DIS3L2: variants seen among roughly 807,000 people sequenced by gnomAD.
DIS3L2 encodes DIS3-like exonuclease 2.
A neutral mutation model predicts 97.5 loss-of-function variants in DIS3L2; 34 were observed. That is an observed-to-expected ratio of 0.35 (90% CI 0.27 to 0.46). DIS3L2 has a LOEUF of 0.46. DIS3L2 is among the 20% of genes least tolerant of loss of function. DIS3L2 has a pLI of 1.00. For missense variants in DIS3L2, 1,038 were observed against 1,146.0 expected, an observed-to-expected ratio of 0.91 and a Z score of 1.36; for synonymous variants, 435 against 445.2, an observed-to-expected ratio of 0.98 and a Z score of 0.29.
rs150781917 is a variant in DIS3L2 at position 232,114,349 on chromosome 2, A to T, written c.602-16270A>T. ...CATGGTTCCACGGCAGATCTGATATAGGACTTAGGCAGAGAAGGATTAATT... is the reference window on the plus strand; with the variant it reads ...CATGGTTCCACGGCAGATCTGATATTGGACTTAGGCAGAGAAGGATTAATT... On this transcript the variant is annotated intron_variant, in intron 6 of 20. Transcript: ENST00000325385. 8.7e-4 allele frequency among the ~76,000 whole-genome samples: 132 copies of T among 152,276 alleles called. 1 individual carries two copies. The East Asian group carries it at 0.018, about 21-fold the overall frequency.
Position 232,261,688 on chromosome 2 carries a change from G to C in DIS3L2, c.1426-1519G>C, listed in dbSNP as rs114785338. ...CCCTGTCCTATATTTTCCTAAAATAGCCTTCATAAACACCACCAGCCAGCA... is the reference window on the plus strand; with the variant it reads ...CCCTGTCCTATATTTTCCTAAAATACCCTTCATAAACACCACCAGCCAGCA... On this transcript the variant is annotated intron_variant, in intron 12 of 20. Coordinates refer to ENST00000325385, the MANE Select transcript of DIS3L2 (RefSeq NM_152383.5). Among the ~76,000 whole-genome samples the C allele has an allele frequency of 6.0e-3, 917 of 152,230 alleles. 5 individuals are homozygous for C. Among genetic ancestry groups the C allele is most frequent in the Non-Finnish European group, 0.01 (713 of 68,014 alleles).
intron 5 of DIS3L2, among the ~76,000 whole-genome samples, chr2:232,086,303 A>G (rs1559612388): frequency 2.0e-5 from 3 of 149,342 alleles, no homozygotes; most frequent in East Asian, 3.9e-4. Context: ...ATACATATAT[A>G]CATATGTATA....
intron 3 of DIS3L2, among the ~76,000 whole-genome samples, chr2:232,016,482 G>C (rs1694356523): frequency 6.6e-6 from 1 of 152,216 alleles, no homozygotes; most frequent in African/African-American, 2.4e-5. Flanking sequence ...TGGGGAAACT[G>C]TGTAGGCTGA....
At chr2:231,982,937 CG>C (rs1285209018) in intron 1 of DIS3L2, among the ~76,000 whole-genome samples, 1 of 152,116 alleles carries the variant, frequency 6.6e-6, no homozygotes, top group Non-Finnish European at 1.5e-5. Context: ...ACCTCGGCCT[CG>C]CAAAGTGCTG....
At chr2:232,177,199 C>CT (rs2106180930) in intron 9 of DIS3L2, among the ~76,000 whole-genome samples, 1 of 142,480 alleles carries the variant, frequency 7.0e-6, no homozygotes, top group South Asian at 2.4e-4. Context: ...TTAATCCAGT[C>CT]TATCATTGTT....
intron 10 of DIS3L2, among the ~76,000 whole-genome samples, chr2:232,223,152 A>G (rs1692549843): frequency 6.6e-6 from 1 of 152,210 alleles, no homozygotes; most frequent in Non-Finnish European, 1.5e-5. Flanking sequence ...GAAAGCCAAG[A>G]TAATCTGGCA....
chr2:232,302,277 A>G (rs1383183051), intron 14 of DIS3L2, among the ~76,000 whole-genome samples: 1 of 152,018 alleles, frequency 6.6e-6, no homozygotes, highest in African/African-American at 2.4e-5. Context: ...TAGGAGATAT[A>G]CCTAAAGTAA....
intron 14 of DIS3L2, among the ~76,000 whole-genome samples, chr2:232,320,812 C>T (rs1695410938): frequency 1.3e-5 from 2 of 152,224 alleles, no homozygotes; most frequent in South Asian, 4.1e-4. Flanking sequence ...CTCTGGGATA[C>T]ATAGATGGGC....
chr2:232,073,918 G>T (rs1275842543), intron 5 of DIS3L2, among the ~76,000 whole-genome samples: 1 of 152,232 alleles, frequency 6.6e-6, no homozygotes, highest in Non-Finnish European at 1.5e-5. Flanking sequence ...CCAGCTTTCT[G>T]AGTGACAGAT....
chr2:232,037,475 T>C lies in DIS3L2; in HGVS notation c.366+7395T>C, dbSNP rs2106248456. The stretch of plus-strand genomic sequence containing the variant: ...GTGGATCTTAGCTTGCTGGGCTCCA[T>C]GAGGGTGGGATCCGCTGAGCTAGAC... On this transcript the variant is annotated intron_variant, in intron 5 of 20. Coordinates refer to ENST00000325385, the MANE Select transcript of DIS3L2 (RefSeq NM_152383.5). This position sits in a 1 kb window ranked among gnomAD's most constrained non-coding sequence, Gnocchi z 4.6. Among the ~76,000 whole-genome samples the C allele has an allele frequency of 6.6e-6, 1 of 152,294 alleles. No individual in the cohort carries two copies. Among genetic ancestry groups the C allele is most frequent in the South Asian group, 2.1e-4 (1 of 4,822 alleles).
At chr2:231,994,420 T>G (rs1389142056) in intron 1 of DIS3L2, among the ~76,000 whole-genome samples, 1 of 152,180 alleles carries the variant, frequency 6.6e-6, no homozygotes, top group Non-Finnish European at 1.5e-5. Context: ...ACAAAAGATC[T>G]TGGGACTTTG....
chr2:232,258,961 C>T (rs951255615), intron 12 of DIS3L2, among the ~76,000 whole-genome samples: 3 of 152,116 alleles, frequency 2.0e-5, no homozygotes, highest in African/African-American at 7.2e-5. Flanking sequence ...TTTCCCTGGC[C>T]TAGTCATTTT....
intron 6 of DIS3L2, among the ~76,000 whole-genome samples, chr2:232,118,516 G>A (rs1210321401): frequency 1.3e-5 from 2 of 152,068 alleles, no homozygotes; most frequent in African/African-American, 4.8e-5. Flanking sequence ...TCATGTAACC[G>A]TTTTTGCTCA....
chr2:232,342,246 TATACACATAC>T (rs1354983712), intron 13 of DIS3L2, among the ~76,000 whole-genome samples: 18 of 147,230 alleles, frequency 1.2e-4, no homozygotes, highest in African/African-American at 2.4e-4. Flanking sequence ...CATACACATA[TATACACATAC>T]ACACATACAC....
intron 5 of DIS3L2, among the ~76,000 whole-genome samples, chr2:232,071,797 C>T (rs767331769): frequency 2.0e-5 from 3 of 152,116 alleles, no homozygotes; most frequent in African/African-American, 4.8e-5. Flanking sequence ...CCTTGGCCTC[C>T]CAAAATGCTG....
At chr2:232,171,639 AT>A (rs1690993784) in intron 9 of DIS3L2, among the ~76,000 whole-genome samples, 1 of 152,164 alleles carries the variant, frequency 6.6e-6, no homozygotes, top group Admixed American at 6.5e-5. Context: ...GCAAGATTAA[AT>A]TGTTTGGCAT....
intron 1 of DIS3L2, among the ~76,000 whole-genome samples, chr2:231,968,892 G>A (rs996230905): frequency 6.6e-6 from 1 of 152,158 alleles, no homozygotes; most frequent in Admixed American, 6.5e-5. Context: ...CCTACGTGTC[G>A]AGGGAGGGAA....
At chr2:232,064,141 T>C (rs1452967542) in intron 5 of DIS3L2, among the ~76,000 whole-genome samples, 2 of 152,174 alleles carry the variant, frequency 1.3e-5, no homozygotes, top group Non-Finnish European at 2.9e-5. Context: ...GTTCTATGAA[T>C]TAAAATCTTG....
intron 5 of DIS3L2, among the ~76,000 whole-genome samples, chr2:232,071,160 T>C (rs751683565): frequency 6.6e-6 from 1 of 152,170 alleles, no homozygotes; most frequent in Non-Finnish European, 1.5e-5. Context: ...GGAGTTAATA[T>C]AGTTTTCTGT....
Sources: allele counts gnomAD v4.1 joint callset (sites outside exome capture counted in the v4.1 genomes callset), GRCh38; gene constraint gnomAD v4.1.1; non-coding constraint Gnocchi (gnomAD v3.1); transcripts MANE v1.5; gene names NCBI Gene and HGNC (gene_info 2026-07-23, HGNC 2026-07-21).